NDUFS4: variants seen among roughly 807,000 people sequenced by gnomAD.
NDUFS4 encodes NADH:ubiquinone oxidoreductase subunit S4, also known as NADH dehydrogenase [ubiquinone] iron-sulfur protein 4, mitochondrial.
In NDUFS4, 28 loss-of-function variants were observed where a neutral mutation model predicts 24.3. That is an observed-to-expected ratio of 1.15 (90% CI 0.85 to 1.58). NDUFS4 has a LOEUF of 1.58. Ranked by LOEUF, NDUFS4 falls within the 40% of genes most tolerant of loss-of-function variation. NDUFS4 has a pLI of 0.00. For synonymous variants in NDUFS4, 93 were observed against 69.7 expected (o/e 1.34, Z -1.67); for missense variants, 223 against 207.9 (o/e 1.07, Z -0.45).
chr5:53,606,876 AAC>A (rs1292371714), intron 2 of NDUFS4, among the ~76,000 whole-genome samples: 3 of 152,248 alleles, frequency 2.0e-5, no homozygotes, highest in Admixed American at 2.0e-4. Context: ...ATTTGCATAT[AAC>A]CTATGCATAT....
intron 2 of NDUFS4, among the ~76,000 whole-genome samples, chr5:53,628,349 T>G (rs1255316529): frequency 3.3e-5 from 5 of 152,196 alleles, no homozygotes; most frequent in African/African-American, 1.2e-4. Flanking sequence ...TTTCTTTTTT[T>G]GTTGTGTCTC....
intron 2 of NDUFS4, 67 bp downstream of exon 2, chr5:53,603,597 C>T (rs974457367): frequency 4.2e-5 from 52 of 1,239,790 alleles, no homozygotes; most frequent in Non-Finnish European, 5.9e-5. Context: ...TATAGATATT[C>T]AGTATGGTGT....
At chr5:53,611,965 T>C (rs1412854394) in intron 2 of NDUFS4, among the ~76,000 whole-genome samples, 1 of 152,112 alleles carries the variant, frequency 6.6e-6, no homozygotes, top group African/African-American at 2.4e-5. Flanking sequence ...CCTACATAGG[T>C]ATACCTTCAA....
At chr5:53,605,003 C>CCT in intron 2 of NDUFS4, 1 of 398,202 alleles carries the variant, frequency 2.5e-6, no homozygotes, top group Non-Finnish European at 5.0e-6. Flanking sequence ...GGGTGGATCA[C>CCT]GAGGTCAGGA....
Position 53,683,164 on chromosome 5 carries a change from C to T in NDUFS4, c.471C>T (p.Ser157=). 6.2e-7 allele frequency: 1 copy of T among 1,612,646 alleles called. No homozygotes were observed. Among genetic ancestry groups the T allele is most frequent in the Non-Finnish European group, 8.5e-7 (1 of 1,179,036 alleles). ...IEERKVPKPK[S]KSYGANFSWN... is the part of the protein sequence containing the mutation. ...AGAGGAAGGTTCCAAAACCCAAGTC[C>T]AAGTCTTATGGTGCAAACTTTTCTT... is the stretch of plus-strand genomic sequence containing the variant. The change falls in exon 5 of 5, where the codon TCC becomes TCT. Residue 157 remains serine, a synonymous_variant. Coordinates refer to ENST00000296684, the MANE Select transcript of NDUFS4 (RefSeq NM_002495.4).
At chr5:53,667,747 G>A (rs1365657448) in intron 4 of NDUFS4, among the ~76,000 whole-genome samples, 1 of 152,166 alleles carries the variant, frequency 6.6e-6, no homozygotes, top group Middle Eastern at 3.2e-3. Flanking sequence ...TTAAGAGGCT[G>A]GTAACTAAGA....
chr5:53,633,695 A>T (rs970051388), intron 2 of NDUFS4, among the ~76,000 whole-genome samples: 1 of 152,144 alleles, frequency 6.6e-6, no homozygotes, highest in Admixed American at 6.5e-5. Flanking sequence ...TGGGACCCTC[A>T]ACCATGAACC....
intron 4 of NDUFS4, among the ~76,000 whole-genome samples, chr5:53,682,054 T>G (rs964652343): frequency 6.6e-6 from 1 of 152,060 alleles, no homozygotes; most frequent in Admixed American, 6.6e-5. Flanking sequence ...CAGCCATGAA[T>G]TAGATGTTTC....
intron 3 of NDUFS4, among the ~76,000 whole-genome samples, chr5:53,649,634 T>C (rs1262603796): frequency 6.6e-6 from 1 of 152,198 alleles, no homozygotes; most frequent in African/African-American, 2.4e-5. Flanking sequence ...ATTCCTTGAC[T>C]TTGCTATTGT....
intron 2 of NDUFS4, among the ~76,000 whole-genome samples, chr5:53,616,730 T>C (rs1719205592): frequency 6.6e-6 from 1 of 152,126 alleles, no homozygotes. Flanking sequence ...TGAATTATAA[T>C]GAGAAGGCTT....
At chr5:53,614,436 A>G (rs1484434844) in intron 2 of NDUFS4, among the ~76,000 whole-genome samples, 1 of 151,958 alleles carries the variant, frequency 6.6e-6, no homozygotes, top group African/African-American at 2.4e-5. Context: ...GGAACAAAAG[A>G]TCTTTCCCCT....
chr5:53,671,506 T>G (rs187126504), intron 4 of NDUFS4, among the ~76,000 whole-genome samples: 1 of 152,208 alleles, frequency 6.6e-6, no homozygotes, highest in Admixed American at 6.5e-5. Context: ...CTAAACATCT[T>G]AAGCTCAGCA....
chr5:53,658,680 T>C (rs1579926901), intron 4 of NDUFS4, 56 bp downstream of exon 4: 2 of 1,448,772 alleles, frequency 1.4e-6, no homozygotes, highest in East Asian at 2.3e-5. Context: ...TTCTTAACCT[T>C]AATTAAAACC....
chr5:53,666,081 C>CA (rs1200697324), intron 4 of NDUFS4, among the ~76,000 whole-genome samples: 2 of 152,146 alleles, frequency 1.3e-5, no homozygotes, highest in Admixed American at 1.3e-4. Context: ...TAATTGTTTT[C>CA]AAAAGTGGTC....
At chr5:53,566,512 G>C (rs1302027536) in intron 1 of NDUFS4, among the ~76,000 whole-genome samples, 3 of 152,086 alleles carry the variant, frequency 2.0e-5, no homozygotes, top group African/African-American at 7.2e-5. Context: ...TCATTTTTCA[G>C]ATGAGGAAAC....
At chr5:53,682,207 A>C (rs1466815609) in intron 4 of NDUFS4, among the ~76,000 whole-genome samples, 1 of 152,148 alleles carries the variant, frequency 6.6e-6, no homozygotes, top group East Asian at 1.9e-4. Context: ...AAGGAGGAGG[A>C]TGTTGATTTG....
intron 4 of NDUFS4, among the ~76,000 whole-genome samples, chr5:53,681,686 G>A (rs1740670982): frequency 6.6e-6 from 1 of 152,010 alleles, no homozygotes; most frequent in Non-Finnish European, 1.5e-5. Context: ...GGATTCTGAT[G>A]TTTCATTTGC....
At chr5:53,636,637 G>C (rs964913897) in intron 2 of NDUFS4, among the ~76,000 whole-genome samples, 5 of 152,108 alleles carry the variant, frequency 3.3e-5, no homozygotes, top group African/African-American at 1.2e-4. Flanking sequence ...TTAGTGATAT[G>C]GTTCGGATCT....
At chr5:53,647,554 T>C (rs1483467565) in intron 3 of NDUFS4, among the ~76,000 whole-genome samples, 2 of 152,190 alleles carry the variant, frequency 1.3e-5, no homozygotes, top group East Asian at 3.9e-4. Flanking sequence ...GAATAAATTC[T>C]TGTGGTACTA....
Sources: allele counts gnomAD v4.1 joint callset (sites outside exome capture counted in the v4.1 genomes callset), GRCh38; gene constraint gnomAD v4.1.1; transcripts MANE v1.5; gene names NCBI Gene and HGNC (gene_info 2026-07-23, HGNC 2026-07-21).